Variants in ZNF536 observed in about 807,000 individuals in gnomAD.
ZNF536 encodes the protein zinc finger protein 536.
In ZNF536, 13 loss-of-function variants were observed where a neutral mutation model predicts 84.5. The observed-to-expected ratio is 0.15, with a 90% CI of 0.10 to 0.24. ZNF536 has a LOEUF of 0.24. Ranked by LOEUF, ZNF536 falls within the 10% of genes least tolerant of loss-of-function variation. ZNF536 has a pLI of 1.00. For missense variants in ZNF536, 1,536 were observed against 1,747.5 expected, an observed-to-expected ratio of 0.88 and a Z score of 2.16; for synonymous variants, 811 against 742.5, an observed-to-expected ratio of 1.09 and a Z score of -1.50.
At chr19:30,486,640 T>C (rs1207782776) in intron 2 of ZNF536, among the ~76,000 whole-genome samples, 1 of 152,230 alleles carries the variant, frequency 6.6e-6, no homozygotes, top group African/African-American at 2.4e-5. Flanking sequence ...CTGGGTCAAA[T>C]GGTACTTCTG....
intron 1 of ZNF536, among the ~76,000 whole-genome samples, chr19:30,630,027 A>T (rs1004860201): frequency 1.2e-4 from 18 of 152,216 alleles, no homozygotes; most frequent in Admixed American, 2.0e-4. Context: ...CCTGACTTTG[A>T]GAAAGTGTGA....
intron 2 of ZNF536, among the ~76,000 whole-genome samples, chr19:30,461,822 A>C (rs1365965777): frequency 6.6e-6 from 1 of 152,176 alleles, no homozygotes; most frequent in Non-Finnish European, 1.5e-5. Context: ...GATGGCCTGC[A>C]TGTGTGGCTG....
At chr19:30,515,104 A>G (rs972856999) in intron 2 of ZNF536, among the ~76,000 whole-genome samples, 3 of 151,922 alleles carry the variant, frequency 2.0e-5, no homozygotes, top group African/African-American at 7.3e-5. Flanking sequence ...CACCAGAAAA[A>G]ACTAAAAATT....
In ZNF536 at chr19:30,444,187, C is replaced by A. The variant is rs2148172670; in HGVS notation, c.625C>A (p.Arg209=). The A allele has an allele frequency of 6.4e-7, 1 of 1,561,974 alleles. No homozygotes were observed. Among genetic ancestry groups the A allele is most frequent in the African/African-American group, 1.4e-5 (1 of 73,840 alleles). Reference sequence around the variant, plus strand: ...CGAGCTGGAGGAGCGCGCCATCCTGCGGGACAAGCAGCTGAAAGGCAGCCT... The same window carrying A: ...CGAGCTGGAGGAGCGCGCCATCCTGAGGGACAAGCAGCTGAAAGGCAGCCT... ...LHELEERAIL[R]DKQLKGSLLQ... The change falls in exon 2 of 5, where the codon CGG becomes AGG. Residue 209 remains arginine (R), a synonymous_variant. Transcript: ENST00000355537.
intron 2 of ZNF536, among the ~76,000 whole-genome samples, chr19:30,503,460 A>T (rs1470649031): frequency 6.6e-6 from 1 of 152,250 alleles, no homozygotes; most frequent in African/African-American, 2.4e-5. Context: ...TGACTTGGAA[A>T]AATGCCCATG....
chr19:30,502,727 G>A (rs772211992), intron 2 of ZNF536, among the ~76,000 whole-genome samples: 30 of 152,252 alleles, frequency 2.0e-4, no homozygotes, highest in Admixed American at 9.2e-4. Context: ...TAAGCTGTCC[G>A]CAGAGTTCTG....
chr19:30,659,966 T>G (rs937190214), intron 1 of ZNF536, among the ~76,000 whole-genome samples: 9 of 151,558 alleles, frequency 5.9e-5, no homozygotes, highest in Non-Finnish European at 1.2e-4. Flanking sequence ...TGTGTGTGTG[T>G]GTGTGTGTGT....
intron 1 of ZNF536, among the ~76,000 whole-genome samples, chr19:30,572,332 G>A (rs751469162): frequency 2.0e-5 from 3 of 152,102 alleles, no homozygotes; most frequent in East Asian, 1.9e-4. Flanking sequence ...CCAGGCCCCC[G>A]TCCTAAGAGC....
intron 2 of ZNF536, among the ~76,000 whole-genome samples, chr19:30,509,314 T>C (rs2145488518): frequency 1.3e-5 from 2 of 148,376 alleles, no homozygotes; most frequent in East Asian, 3.9e-4. Flanking sequence ...TATACATACA[T>C]ATATAACTAC....
At chr19:30,407,971 C>T (rs1437561536) in intron 1 of ZNF536, among the ~76,000 whole-genome samples, 3 of 151,994 alleles carry the variant, frequency 2.0e-5, no homozygotes, top group Non-Finnish European at 4.4e-5. Context: ...GGAAAGTGGC[C>T]GTCATGAAAT....
At chr19:30,320,684 G>C (rs1222584943) in intron 2 of ZNF536, among the ~76,000 whole-genome samples, 1 of 152,144 alleles carries the variant, frequency 6.6e-6, no homozygotes, top group Non-Finnish European at 1.5e-5. Context: ...TATTTGGGAA[G>C]TTTGGGCCCA....
At chr19:30,437,550 C>T (rs2051807551) in intron 1 of ZNF536, among the ~76,000 whole-genome samples, 1 of 152,088 alleles carries the variant, frequency 6.6e-6, no homozygotes, top group African/African-American at 2.4e-5. Context: ...GGGCCCCTGC[C>T]TGTGTTTAGA....
chr19:30,508,631 A>G (rs2055271167), intron 2 of ZNF536, among the ~76,000 whole-genome samples: 1 of 151,950 alleles, frequency 6.6e-6, no homozygotes, highest in South Asian at 2.1e-4. Context: ...TAAGAGGCCT[A>G]CAACAGAGCA....
intron 1 of ZNF536, among the ~76,000 whole-genome samples, chr19:30,255,304 G>T (rs924864850): frequency 1.9e-4 from 29 of 152,124 alleles, no homozygotes; most frequent in African/African-American, 5.6e-4. Context: ...TTTAGCTTGG[G>T]CGCTAAAACC....
intron 1 of ZNF536, among the ~76,000 whole-genome samples, chr19:30,237,081 A>T (rs1379758642): frequency 6.6e-6 from 1 of 151,088 alleles, no homozygotes; most frequent in East Asian, 1.9e-4. Context: ...CTGGCTAAGG[A>T]GCCTGGCCAC....
rs1395601893 is a variant in ZNF536 at position 30,552,158 on chromosome 19, T to G, written c.3895+2644T>G. On this transcript the variant is annotated intron_variant, in intron 4 of 4. Coordinates refer to ENST00000355537, the MANE Select transcript of ZNF536 (RefSeq NM_014717.3). ...AAGGGTAGAAGTGATATTAGCACAA[T>G]GAATAAAATATTTCTAATGTTTATT... is the stretch of plus-strand genomic sequence containing the variant. Among the ~76,000 whole-genome samples the G allele has an allele frequency of 7.2e-5, 11 of 152,342 alleles. No homozygotes were observed. In the East Asian group the frequency reaches 1.9e-3, roughly 27 times the overall value.
At chr19:30,599,776 A>C (rs1349687607) in intron 1 of ZNF536, among the ~76,000 whole-genome samples, 1 of 152,182 alleles carries the variant, frequency 6.6e-6, no homozygotes, top group South Asian at 2.1e-4. Context: ...TTCACAAAGC[A>C]CATTTGTCTA....
chr19:30,601,484 G>A (rs1200147297), intron 1 of ZNF536, among the ~76,000 whole-genome samples: 1 of 152,158 alleles, frequency 6.6e-6, no homozygotes, highest in Non-Finnish European at 1.5e-5. Context: ...TACGCTAGGA[G>A]GGCCCACATA....
rs368685368 is a variant in ZNF536, at chr19:30,303,369, C to T, written c.-120+19228C>T. 1.7e-4 allele frequency among the ~76,000 whole-genome samples: 26 copies of T among 152,294 alleles called. 1 individual carries two copies. The highest frequency in any genetic ancestry group is 3.4e-3 in the Middle Eastern group (1 of 294). ...GAGAGGCAGGGCAAGAGAGGCAGTGCGGGAGGTGCAGGGCAGGGGCCTTGG... is the reference window on the plus strand; with the variant it reads ...GAGAGGCAGGGCAAGAGAGGCAGTGTGGGAGGTGCAGGGCAGGGGCCTTGG... On this transcript the variant is annotated intron_variant, in intron 2 of 5. Transcript: ENST00000585628.
Sources: allele counts gnomAD v4.1 joint callset (sites outside exome capture counted in the v4.1 genomes callset), GRCh38; gene constraint gnomAD v4.1.1; transcripts MANE v1.5; gene names NCBI Gene and HGNC (gene_info 2026-07-23, HGNC 2026-07-21).